MBNL1: variants seen among roughly 807,000 people sequenced by gnomAD.
The protein encoded by MBNL1 is muscleblind-like protein 1.
In MBNL1, 8 loss-of-function variants were observed where a neutral mutation model predicts 42.2. That is an observed-to-expected ratio of 0.19 (90% CI 0.11 to 0.34). The LOEUF is 0.34. Ranked by LOEUF, MBNL1 falls within the 10% of genes least tolerant of loss-of-function variation. The pLI is 1.00. For synonymous variants in MBNL1, 169 were observed against 173.9 expected, an observed-to-expected ratio of 0.97 and a Z score of 0.22; for missense variants, 309 against 495.3, an observed-to-expected ratio of 0.62 and a Z score of 3.57.
chr3:152,424,308 G>C (rs1358746412), intron 3 of MBNL1, among the ~76,000 whole-genome samples: 1 of 152,110 alleles, frequency 6.6e-6, no homozygotes, highest in Non-Finnish European at 1.5e-5. Context: ...AATCATGAGT[G>C]AACTCCCATT....
chr3:152,300,102 G>A lies in MBNL1; in HGVS notation c.-92G>A. On this transcript the variant is annotated 5_prime_UTR_variant, in exon 2 of 10. Coordinates refer to ENST00000324210, the MANE Select transcript of MBNL1 (RefSeq NM_021038.5). The stretch of plus-strand genomic sequence containing the variant: ...TTTTGAGGGGACATTTTCATCATCA[G>A]TTCAGCTTTTTTTTTTTGGTTGTTG... 1 of 784,106 alleles carries A rather than the reference G, an allele frequency of 1.3e-6. No individual in the cohort carries two copies. Among genetic ancestry groups the A allele is most frequent in the Non-Finnish European group, 2.0e-6 (1 of 492,340 alleles). The allele number at this position is 784,106 out of a possible 1,614,324, so 48.6% of individuals were successfully genotyped here.
chr3:152,309,850 C>T (rs2065359545), intron 2 of MBNL1, among the ~76,000 whole-genome samples: 1 of 152,100 alleles, frequency 6.6e-6, no homozygotes, highest in African/African-American at 2.4e-5. Context: ...TAGTCTTTGC[C>T]TTTTTGGGTG....
chr3:152,340,983 T>C lies in MBNL1; in HGVS notation c.174+40616T>C, dbSNP rs541726882. The C allele has an allele frequency of 4.7e-6, 7 of 1,478,622 alleles. No homozygotes were observed. In the South Asian group the frequency reaches 5.9e-5, roughly 13 times the overall value. The allele number at this position is 1,478,622 out of a possible 1,614,324, so 91.6% of individuals were successfully genotyped here. A position where few individuals can be genotyped will look rare whatever the true frequency, so the allele number is the denominator to read the frequency against. Reference sequence around the variant, plus strand: ...CCACTTTCCTGAAGGTCTGGGTAAATTGATGAGGGGACACAAACTGTACGA... The same window carrying C: ...CCACTTTCCTGAAGGTCTGGGTAAACTGATGAGGGGACACAAACTGTACGA... On this transcript the variant is annotated intron_variant, in intron 2 of 9. Transcript: ENST00000324210.
chr3:152,447,863 G>A, intron 6 of MBNL1, 90 bp downstream of exon 6: 1 of 1,214,244 alleles, frequency 8.2e-7, no homozygotes, highest in South Asian at 1.7e-5. Context: ...AAGTTTGTTT[G>A]TAATTATAGA....
chr3:152,326,120 C>T (rs538375761), intron 2 of MBNL1, among the ~76,000 whole-genome samples: 20 of 152,158 alleles, frequency 1.3e-4, no homozygotes, highest in Middle Eastern at 3.4e-3. Flanking sequence ...TGAAAATTGA[C>T]GACAATTTTA....
At chr3:152,254,877 A>ATT (rs2035225026) in intron 2 of MBNL1, among the ~76,000 whole-genome samples, 1 of 152,096 alleles carries the variant, frequency 6.6e-6, no homozygotes, top group South Asian at 2.1e-4. Context: ...CACTTTACAG[A>ATT]TTTAAGGAAA....
chr3:152,384,737 TTAA>T (rs1006702641), intron 2 of MBNL1, among the ~76,000 whole-genome samples: 4 of 152,276 alleles, frequency 2.6e-5, no homozygotes, highest in African/African-American at 9.6e-5. Flanking sequence ...CTTTGAAATC[TTAA>T]TTTGCAGAGA....
intron 1 of MBNL1, among the ~76,000 whole-genome samples, chr3:152,291,939 G>A (rs952277788): frequency 6.6e-6 from 1 of 152,120 alleles, no homozygotes; most frequent in Non-Finnish European, 1.5e-5. Context: ...ATGCCATCAT[G>A]TGTGGCTAAT....
intron 1 of MBNL1, among the ~76,000 whole-genome samples, chr3:152,285,702 T>C (rs567554009): frequency 6.2e-4 from 94 of 150,828 alleles, no homozygotes; most frequent in Admixed American, 2.2e-3. Context: ...GATCTCATCT[T>C]ACTGTGGCCT....
chr3:152,305,940 A>G (rs1351753262), intron 2 of MBNL1, among the ~76,000 whole-genome samples: 29 of 152,150 alleles, frequency 1.9e-4, no homozygotes, highest in Admixed American at 1.9e-3. Flanking sequence ...ATAAAGTTTG[A>G]TTTTTTTGCT....
chr3:152,254,724 T>A (rs1426975492), intron 2 of MBNL1, among the ~76,000 whole-genome samples: 1 of 152,218 alleles, frequency 6.6e-6, no homozygotes. Flanking sequence ...AAACCAATGA[T>A]AATGATGATA....
chr3:152,375,784 A>G (rs1213436083), intron 2 of MBNL1, among the ~76,000 whole-genome samples: 1 of 151,102 alleles, frequency 6.6e-6, no homozygotes, highest in Non-Finnish European at 1.5e-5. Context: ...GCTCTGCTAC[A>G]CTCCAGCCGG....
intron 3 of MBNL1, among the ~76,000 whole-genome samples, chr3:152,420,091 A>C (rs4528915): frequency 0.28 from 42,119 of 152,112 alleles, 6,018 homozygotes; most frequent in African/African-American, 0.35. Flanking sequence ...TCTCTGAAAG[A>C]AAGGCAGTAG....
chr3:152,262,050 C>G (rs955514548), intron 2 of MBNL1, among the ~76,000 whole-genome samples: 1 of 152,238 alleles, frequency 6.6e-6, no homozygotes, highest in Non-Finnish European at 1.5e-5. Flanking sequence ...ACGTCTGTCC[C>G]CAACCGCTAG....
intron 2 of MBNL1, among the ~76,000 whole-genome samples, chr3:152,342,553 A>AACACACACACACACACACACACACACAC (rs111644138): frequency 2.7e-5 from 4 of 145,998 alleles, no homozygotes; most frequent in African/African-American, 1.0e-4. Flanking sequence ...AACTAAACAA[A>AACACACACACACACACACACACACACAC]ACACACACAC....
chr3:152,311,536 A>G (rs535028950), intron 2 of MBNL1, among the ~76,000 whole-genome samples: 30 of 152,210 alleles, frequency 2.0e-4, no homozygotes, highest in African/African-American at 6.7e-4. Flanking sequence ...GATTTTGAGT[A>G]TTACATTTCA....
chr3:152,365,335 T>C (rs2096286896), intron 2 of MBNL1, among the ~76,000 whole-genome samples: 1 of 152,064 alleles, frequency 6.6e-6, no homozygotes, highest in African/African-American at 2.4e-5. Flanking sequence ...TCTCTTCAGG[T>C]TTCAGCAACG....
chr3:152,292,022 T>C (rs1374004491), intron 1 of MBNL1, among the ~76,000 whole-genome samples: 2 of 152,176 alleles, frequency 1.3e-5, no homozygotes. Context: ...TGTTATGTAC[T>C]TCTCTCAAAA....
At chr3:152,340,123 G>A (rs906894728) in intron 2 of MBNL1, 2 of 161,608 alleles carry the variant, frequency 1.2e-5, no homozygotes, top group Non-Finnish European at 2.7e-5. Context: ...GGGCAATATA[G>A]CAAGACATTG....
Sources: allele counts gnomAD v4.1 joint callset (sites outside exome capture counted in the v4.1 genomes callset), GRCh38; gene constraint gnomAD v4.1.1; transcripts MANE v1.5; gene names NCBI Gene and HGNC (gene_info 2026-07-23, HGNC 2026-07-21).